The following UHRF2 variants were observed in gnomAD, a reference collection of about 807,000 sequenced individuals.
UHRF2 encodes ubiquitin like with PHD and ring finger domains 2.
Under a neutral mutation model 96.8 loss-of-function variants are expected in UHRF2, and 23 were observed. That is an observed-to-expected ratio of 0.24 (90% CI 0.17 to 0.34). The LOEUF is 0.34. Among genes scored for constraint, UHRF2 ranks in the 10% least tolerant of loss-of-function variants. The pLI, the probability that UHRF2 is intolerant of heterozygous loss-of-function variation, is 1.00. For missense variants in UHRF2, 685 were observed against 981.5 expected, an observed-to-expected ratio of 0.70 and a Z score of 4.04; for synonymous variants, 385 against 332.6, an observed-to-expected ratio of 1.16 and a Z score of -1.72.
chr9:6,442,520 C>T (rs1161275431), intron 3 of UHRF2, among the ~76,000 whole-genome samples: 1 of 151,892 alleles, frequency 6.6e-6, no homozygotes, highest in African/African-American at 2.4e-5. Context: ...GTTCCATCAC[C>T]CTGATTGAAA....
chr9:6,431,813 G>A lies in UHRF2; in HGVS notation c.385-2101G>A, dbSNP rs150978215. On this transcript the variant is annotated intron_variant, in intron 2 of 15. Transcript: ENST00000276893. ...TAGGCAAATTCAGTACTTCATTTGT[G>A]CCGCCTCGTGTTCCTTAGTAAGGTT... 3.2e-3 allele frequency among the ~76,000 whole-genome samples: 480 copies of A among 152,296 alleles called. 3 individuals carry two copies. Among genetic ancestry groups the A allele is most frequent in the Middle Eastern group, 0.01 (3 of 294 alleles).
At chr9:6,483,375 A>ATATAACC (rs1417167263) in intron 8 of UHRF2, among the ~76,000 whole-genome samples, 1 of 151,674 alleles carries the variant, frequency 6.6e-6, no homozygotes, top group African/African-American at 2.4e-5. Flanking sequence ...CAGTATTTTC[A>ATATAACC]TATAACCTAT....
chr9:6,413,710 C>G (rs1414420500), intron 1 of UHRF2, 67 bp downstream of exon 1: 2 of 1,415,552 alleles, frequency 1.4e-6, no homozygotes, highest in Non-Finnish European at 1.8e-6. Context: ...TCTGGACGCA[C>G]CGGTCCGAGG....
intron 6 of UHRF2, among the ~76,000 whole-genome samples, chr9:6,479,430 C>T (rs539768216): frequency 5.3e-5 from 8 of 152,212 alleles, no homozygotes; most frequent in Admixed American, 1.3e-4. Context: ...GTTGGGTTCC[C>T]GTCACCTACC....
chr9:6,450,604 A>G (rs757867429), intron 3 of UHRF2, among the ~76,000 whole-genome samples: 1 of 152,152 alleles, frequency 6.6e-6, no homozygotes, highest in Non-Finnish European at 1.5e-5. Context: ...ACCAGCTTGT[A>G]TTGTAATTCC....
intron 9 of UHRF2, chr9:6,492,463 C>G (rs1295772541): frequency 4.3e-6 from 3 of 701,146 alleles, no homozygotes; most frequent in African/African-American, 3.9e-5. Context: ...TTCGTAATAC[C>G]TTGTTTAAAA....
At chr9:6,413,694 G>T in intron 1 of UHRF2, 51 bp downstream of exon 1, 1 of 1,484,438 alleles carries the variant, frequency 6.7e-7, no homozygotes, top group South Asian at 1.3e-5. Context: ...GGAACAGCTG[G>T]GCTCCTCTGG....
At position 6,422,472 on chromosome 9, in the gene UHRF2, A is replaced by G. The variant is rs373535772; in HGVS notation, c.384+1330A>G. On this transcript the variant is annotated intron_variant, in intron 2 of 15. Transcript: ENST00000276893. The stretch of plus-strand genomic sequence containing the variant: ...AATATTTGCATACAAAAAACTGTAG[A>G]AATAGCATATAAAGCTCTACAAATC... Among the ~76,000 whole-genome samples, 26 of 152,342 alleles carry G rather than the reference A, an allele frequency of 1.7e-4. No homozygotes were observed. In the East Asian group the frequency reaches 4.8e-3, roughly 28 times the overall value.
chr9:6,414,827 T>G (rs1819498938), intron 1 of UHRF2, among the ~76,000 whole-genome samples: 1 of 152,188 alleles, frequency 6.6e-6, no homozygotes. Flanking sequence ...CCCCTTTCCT[T>G]CTCTCTTTAA....
intron 6 of UHRF2, among the ~76,000 whole-genome samples, chr9:6,480,346 T>A (rs1040874578): frequency 2.6e-5 from 4 of 152,250 alleles, no homozygotes; most frequent in Admixed American, 2.6e-4. Flanking sequence ...CACTACTATG[T>A]ACAAACATTT....
chr9:6,504,697 T>C lies in UHRF2; in HGVS notation c.2262+6T>C. The C allele has an allele frequency of 1.2e-6, 2 of 1,606,434 alleles. No homozygotes were observed. Among genetic ancestry groups the C allele is most frequent in the Non-Finnish European group, 1.7e-6 (2 of 1,173,972 alleles). The stretch of plus-strand genomic sequence containing the variant: ...GCTTCCACAATGTCTGTAAAGTAAG[T>C]AGAATTCCTTCCTCACTTTCCCTGT... On this transcript the variant is annotated splice_donor_region_variant and intron_variant, in intron 15 of 15. Coordinates refer to ENST00000276893, the MANE Select transcript of UHRF2 (RefSeq NM_152896.3).
chr9:6,475,170 G>A (rs1037131714), intron 4 of UHRF2, among the ~76,000 whole-genome samples: 1 of 152,038 alleles, frequency 6.6e-6, no homozygotes, highest in African/African-American at 2.4e-5. Flanking sequence ...ATTATCTAAT[G>A]AAGTCTGTAT....
chr9:6,459,608 G>A (rs1311772238), intron 3 of UHRF2, among the ~76,000 whole-genome samples: 2 of 152,180 alleles, frequency 1.3e-5, no homozygotes, highest in African/African-American at 4.8e-5. Flanking sequence ...GGTGGAAGTG[G>A]CAGTGAGCTG....
At chr9:6,497,030 C>T (rs1207048909) in intron 10 of UHRF2, 168 bp from the exon 11 acceptor site, 4 of 654,242 alleles carry the variant, frequency 6.1e-6, no homozygotes, top group Non-Finnish European at 9.7e-6. Flanking sequence ...GATTTGTCTT[C>T]TCTGCTGGTG....
intron 1 of UHRF2, among the ~76,000 whole-genome samples, chr9:6,416,032 G>C (rs1033561845): frequency 6.6e-6 from 1 of 152,234 alleles, no homozygotes; most frequent in Non-Finnish European, 1.5e-5. Flanking sequence ...GGTGAAGTTG[G>C]AGAAGGCAGT....
In UHRF2 at chr9:6,416,077, G is replaced by T. The variant is rs549255525; in HGVS notation, c.153+2434G>T. ...CTCCACTTTTTTTGTTGTTGTTTTT[G>T]TTTTTTTTTTAAGCCGGAGTCTTGC... is the stretch of plus-strand genomic sequence containing the variant. On this transcript the variant is annotated intron_variant, in intron 1 of 15. Coordinates refer to ENST00000276893, the MANE Select transcript of UHRF2 (RefSeq NM_152896.3). 9.3e-3 allele frequency among the ~76,000 whole-genome samples: 1,381 copies of T among 148,734 alleles called. 10 individuals are homozygous for T. Among genetic ancestry groups the T allele is most frequent in the Admixed American group, 0.015 (222 of 14,900 alleles).
rs1192403114 is a variant in UHRF2 at position 6,498,289 on chromosome 9, T to G, written c.1908+131T>G. 3.0e-6 allele frequency: 3 copies of G among 989,552 alleles called. No individual in the cohort carries two copies. In the African/African-American group the frequency reaches 5.0e-5, roughly 17 times the overall value. The allele number at this position is 989,552 out of a possible 1,614,324, so 61.3% of individuals were successfully genotyped here. Reference sequence around the variant, plus strand: ...CTATAAGGGGTGAGGAATAAGATCATGCAAATAGACAGAGGAAAAGAAGAG... The same window carrying G: ...CTATAAGGGGTGAGGAATAAGATCAGGCAAATAGACAGAGGAAAAGAAGAG... On this transcript the variant is annotated intron_variant, in intron 12 of 15. Transcript: ENST00000276893.
intron 3 of UHRF2, among the ~76,000 whole-genome samples, chr9:6,459,231 A>G (rs550484196): frequency 9.9e-5 from 15 of 152,202 alleles, no homozygotes; most frequent in Non-Finnish European, 1.8e-4. Flanking sequence ...GAAAGAAAGA[A>G]ACTGGAATCT....
chr9:6,469,286 G>T (rs567306686), intron 4 of UHRF2, among the ~76,000 whole-genome samples: 1 of 152,228 alleles, frequency 6.6e-6, no homozygotes, highest in Non-Finnish European at 1.5e-5. Context: ...TTGGGAGGCC[G>T]AGGCAGGTGG....
Sources: gnomAD v4.1 joint callset for allele counts (sites outside exome capture counted in the v4.1 genomes callset) on GRCh38, gnomAD v4.1.1 for gene constraint, MANE v1.5 for transcripts, NCBI Gene and HGNC (gene_info 2026-07-23, HGNC 2026-07-21) for gene names.